Variants in PRELID2 observed in about 807,000 individuals in gnomAD.
The protein encoded by PRELID2 is PRELI domain-containing protein 2.
PRELID2 carries 25 observed loss-of-function variants against 28.4 expected under a neutral mutation model. That is an observed-to-expected ratio of 0.88 (90% confidence interval 0.64 to 1.23). The LOEUF (loss-of-function observed/expected upper bound fraction) is 1.23, where lower values mean the gene tolerates loss of function less well. PRELID2 is among the 50% of genes most tolerant of loss of function. The pLI is 0.00. For synonymous variants in PRELID2, 76 were observed against 71.6 expected (o/e 1.06, Z -0.31); for missense variants, 201 against 214.4 (o/e 0.94, Z 0.39).
chr5:145,768,593 T>G (rs981665527), intron 5 of PRELID2, among the ~76,000 whole-genome samples: 1 of 152,230 alleles, frequency 6.6e-6, no homozygotes, highest in African/African-American at 2.4e-5. Flanking sequence ...TCTTTCAAGC[T>G]TCTATTTACA....
the PRELID2 span, among the ~76,000 whole-genome samples, chr5:145,409,622 A>G: frequency 1.3e-5 from 2 of 152,052 alleles, no homozygotes; most frequent in South Asian, 2.1e-4. Context: ...TTAAAAAAAG[A>G]CAAAGAGAGG....
intron 1 of PRELID2, among the ~76,000 whole-genome samples, chr5:145,650,520 GCACATATATA>G (rs1404452250): frequency 5.5e-5 from 5 of 91,138 alleles, no homozygotes; most frequent in East Asian, 7.3e-4. Flanking sequence ...ATATCGAATC[GCACATATATA>G]CATATATATA....
At chr5:145,705,422 G>T (rs543084652) in intron 1 of PRELID2, among the ~76,000 whole-genome samples, 3 of 151,674 alleles carry the variant, frequency 2.0e-5, no homozygotes, top group Admixed American at 2.0e-4. Context: ...CAGGCTGGTC[G>T]TGAACTCCTG....
chr5:145,382,240 A>G, the PRELID2 span, among the ~76,000 whole-genome samples: 2 of 152,018 alleles, frequency 1.3e-5, no homozygotes, highest in Non-Finnish European at 2.9e-5. Flanking sequence ...AGACTGAAAA[A>G]AGATTAACAC....
At chr5:145,617,116 A>T (rs1753709521) in intron 1 of PRELID2, among the ~76,000 whole-genome samples, 1 of 152,160 alleles carries the variant, frequency 6.6e-6, no homozygotes. Context: ...TTCCCTGAAC[A>T]TTGCTGTTAT....
chr5:145,767,328 C>A (rs771142698), intron 5 of PRELID2, among the ~76,000 whole-genome samples: 1 of 152,054 alleles, frequency 6.6e-6, no homozygotes, highest in Non-Finnish European at 1.5e-5. Flanking sequence ...CTACTCCATC[C>A]CCTTTCCAGC....
intron 4 of PRELID2, among the ~76,000 whole-genome samples, chr5:145,798,743 A>C (rs1374579711): frequency 1.3e-5 from 2 of 152,130 alleles, no homozygotes; most frequent in Non-Finnish European, 2.9e-5. Flanking sequence ...TGAAGCTGGA[A>C]ACCATCATTC....
chr5:145,391,805 C>G, the PRELID2 span, among the ~76,000 whole-genome samples: 2 of 151,874 alleles, frequency 1.3e-5, no homozygotes, highest in African/African-American at 4.8e-5. Flanking sequence ...AATCATCTCT[C>G]TCAAGTTCAA....
At chr5:145,568,709 T>C (rs1337809454) in intron 1 of PRELID2, among the ~76,000 whole-genome samples, 13 of 152,250 alleles carry the variant, frequency 8.5e-5, no homozygotes, top group Admixed American at 8.5e-4. Flanking sequence ...TAAATAATGA[T>C]GAAATCTTAG....
intron 1 of PRELID2, among the ~76,000 whole-genome samples, chr5:145,598,047 T>C (rs1753335512): frequency 1.3e-5 from 2 of 152,266 alleles, no homozygotes; most frequent in South Asian, 2.1e-4. Flanking sequence ...ATGGGTTAGA[T>C]TGGCCTGGAA....
At chr5:145,760,705 T>G (rs1757433623) in intron 6 of PRELID2, among the ~76,000 whole-genome samples, 180 bp from the exon 7 acceptor site, 1 of 152,230 alleles carries the variant, frequency 6.6e-6, no homozygotes, top group East Asian at 1.9e-4. Flanking sequence ...CACCTCATTT[T>G]ATTAAGTCCA....
At chr5:145,767,492 G>T (rs951989859) in intron 5 of PRELID2, among the ~76,000 whole-genome samples, 4 of 152,192 alleles carry the variant, frequency 2.6e-5, no homozygotes, top group Admixed American at 2.6e-4. Context: ...CCACTGAGCT[G>T]CTTAACACTT....
At chr5:145,418,865 G>A in the PRELID2 span, among the ~76,000 whole-genome samples, 2,219 of 150,328 alleles carry the variant, frequency 0.015, 63 homozygotes, top group African/African-American at 0.051. Context: ...ATCTCCCGAT[G>A]CTATCCCTCC....
chr5:145,404,744 A>T, the PRELID2 span, among the ~76,000 whole-genome samples: 5 of 152,226 alleles, frequency 3.3e-5, no homozygotes, highest in Non-Finnish European at 7.3e-5. Context: ...AGAGTCACAC[A>T]AATTGTGGTT....
chr5:145,462,769 A>T, the PRELID2 span, among the ~76,000 whole-genome samples: 1 of 152,076 alleles, frequency 6.6e-6, no homozygotes, highest in African/African-American at 2.4e-5. Context: ...CGAAGGCGAC[A>T]CTCTCCATAC....
chr5:145,335,542 C>T, the PRELID2 span, among the ~76,000 whole-genome samples: 3 of 151,860 alleles, frequency 2.0e-5, no homozygotes, highest in South Asian at 2.1e-4. Flanking sequence ...TTCTGTTTCC[C>T]TGAAGCAAAA....
rs192310894 is a variant in PRELID2 at position 145,759,500 on chromosome 5, C to G, written c.*1036G>C. On this transcript the variant is annotated 3_prime_UTR_variant, in exon 7 of 7. Coordinates refer to ENST00000683046, the MANE Select transcript of PRELID2 (RefSeq NM_205846.3). ...TTTACATAATAATGGCTTCCATTTCCTGGACTTCTACTATGTACTAGGCAG... is the reference window on the plus strand; with the variant it reads ...TTTACATAATAATGGCTTCCATTTCGTGGACTTCTACTATGTACTAGGCAG... The G allele has an allele frequency of 2.1e-4, 32 of 152,328 alleles. No individual in the cohort carries two copies. Among genetic ancestry groups the G allele is most frequent in the African/African-American group, 7.7e-4 (32 of 41,588 alleles). 9.4% of individuals were successfully genotyped at this position (152,328 alleles called of 1,614,324 possible).
chr5:145,617,060 G>T (rs1753708646), intron 1 of PRELID2, among the ~76,000 whole-genome samples: 1 of 152,194 alleles, frequency 6.6e-6, no homozygotes, highest in South Asian at 2.1e-4. Context: ...ATATGGCTCT[G>T]TTCCACCCGG....
chr5:145,379,037 C>T, the PRELID2 span, among the ~76,000 whole-genome samples: 4,783 of 151,870 alleles, frequency 0.031, 262 homozygotes, highest in African/African-American at 0.11. Flanking sequence ...GTTTGATTCT[C>T]GTATAAGGTT....
Sources: gnomAD v4.1 joint callset for allele counts (sites outside exome capture counted in the v4.1 genomes callset) on GRCh38, gnomAD v4.1.1 for gene constraint, MANE v1.5 for transcripts, NCBI Gene and HGNC (gene_info 2026-07-23, HGNC 2026-07-21) for gene names.